Variants in EVA1C observed in about 807,000 individuals in gnomAD.
EVA1C encodes eva-1 homolog C.
Under a neutral mutation model 45.4 loss-of-function variants are expected in EVA1C, and 25 were observed. That is an observed-to-expected ratio of 0.55 (90% CI 0.40 to 0.77). The LOEUF is 0.77. Among genes scored for constraint, EVA1C ranks in the 30% least tolerant of loss-of-function variants. The probability of loss-of-function intolerance (pLI) is 0.00; values close to 1 mark genes in which losing one functional copy is unlikely to be tolerated. For synonymous variants in EVA1C, 190 were observed against 221.2 expected (o/e 0.86, Z 1.25); for missense variants, 479 against 554.8 (o/e 0.86, Z 1.37).
intron 1 of EVA1C, among the ~76,000 whole-genome samples, chr21:32,434,636 TTATATA>T (rs200296987): frequency 5.9e-5 from 8 of 134,574 alleles, no homozygotes; most frequent in African/African-American, 1.9e-4. Context: ...AAATAAAATT[TTATATA>T]TATATAGATA....
At chr21:32,430,615 G>T (rs2034661057) in intron 1 of EVA1C, among the ~76,000 whole-genome samples, 1 of 152,118 alleles carries the variant, frequency 6.6e-6, no homozygotes, top group Non-Finnish European at 1.5e-5. Context: ...TGTAGGAGGA[G>T]CAAAGTCACA....
At chr21:32,454,601 A>ATT (rs35371667) in intron 2 of EVA1C, among the ~76,000 whole-genome samples, 20,900 of 149,134 alleles carry the variant, frequency 0.14, 1,607 homozygotes, top group East Asian at 0.25. Flanking sequence ...TTGGCCTTGG[A>ATT]TTTTTTTTTT....
intron 1 of EVA1C, among the ~76,000 whole-genome samples, chr21:32,440,513 C>A (rs763287006): frequency 1.4e-4 from 21 of 152,136 alleles, no homozygotes; most frequent in Non-Finnish European, 2.5e-4. Context: ...TCTACCAGTC[C>A]TGTTTGAAAT....
chr21:32,417,715 G>A (rs1282740421), intron 1 of EVA1C, among the ~76,000 whole-genome samples: 2 of 152,136 alleles, frequency 1.3e-5, no homozygotes, highest in African/African-American at 2.4e-5. Flanking sequence ...CAGTATTGAT[G>A]GACACAGTTG....
chr21:32,487,407 A>G (rs1221239658), intron 4 of EVA1C, among the ~76,000 whole-genome samples: 1 of 152,136 alleles, frequency 6.6e-6, no homozygotes, highest in Non-Finnish European at 1.5e-5. Context: ...CTTTCAGCTC[A>G]AGGACTCCAT....
chr21:32,430,971 T>C (rs868424595), intron 1 of EVA1C, among the ~76,000 whole-genome samples: 1 of 35,398 alleles, frequency 2.8e-5, no homozygotes, highest in Non-Finnish European at 4.3e-5. Context: ...AGACTTGGTC[T>C]CAAAAAAAAA....
intron 6 of EVA1C, among the ~76,000 whole-genome samples, chr21:32,502,038 TTC>T (rs1568949906): frequency 1.3e-5 from 1 of 78,254 alleles, no homozygotes; most frequent in Non-Finnish European, 2.8e-5. Flanking sequence ...CTTTCTTTCT[TTC>T]TTTCTTTCTT....
chr21:32,441,823 T>C (rs998312539), intron 1 of EVA1C, among the ~76,000 whole-genome samples: 1 of 152,160 alleles, frequency 6.6e-6, no homozygotes, highest in African/African-American at 2.4e-5. Flanking sequence ...TAGAAACCAA[T>C]GTTAACTACA....
chr21:32,449,054 GAGAAA>G (rs563773215), intron 1 of EVA1C, among the ~76,000 whole-genome samples: 2 of 151,866 alleles, frequency 1.3e-5, no homozygotes, highest in East Asian at 3.9e-4. Flanking sequence ...AGGAAAGAAA[GAGAAA>G]AGAAAAGAAA....
At chr21:32,450,710 A>G (rs1183243778) in intron 1 of EVA1C, among the ~76,000 whole-genome samples, 1 of 151,664 alleles carries the variant, frequency 6.6e-6, no homozygotes, top group Non-Finnish European at 1.5e-5. Flanking sequence ...AATTTTCAGT[A>G]CTCATTGTTT....
intron 1 of EVA1C, among the ~76,000 whole-genome samples, chr21:32,441,669 G>A (rs1014559132): frequency 2.6e-5 from 4 of 152,002 alleles, no homozygotes; most frequent in Non-Finnish European, 5.9e-5. Context: ...ATACACAAGT[G>A]GACAACTACA....
At position 32,453,337 on chromosome 21, in the gene EVA1C, C is replaced by T. The variant is rs779013979; in HGVS notation, c.186C>T (p.Asn62=). Residue 62 remains asparagine (N), a synonymous_variant, in exon 2 of 8, where the codon AAC becomes AAT. Transcript: ENST00000300255. Reference sequence around the variant, plus strand: ...GTTACCTAACCAAACTCCTGCAAAACCACACCACCTATGCCTGTGATGGGG... The same window carrying T: ...GTTACCTAACCAAACTCCTGCAAAATCACACCACCTATGCCTGTGATGGGG... ...FSGYLTKLLQ[N]HTTYACDGDY... is the part of the protein sequence containing the mutation. The T allele has an allele frequency of 6.9e-6, 11 of 1,598,208 alleles. 1 individual carries two copies. The highest frequency in any genetic ancestry group is 2.3e-4 in the Middle Eastern group (1 of 4,376).
At chr21:32,439,876 G>A (rs1444288938) in intron 1 of EVA1C, among the ~76,000 whole-genome samples, 2 of 152,072 alleles carry the variant, frequency 1.3e-5, no homozygotes, top group African/African-American at 4.8e-5. Flanking sequence ...TAATTATTAT[G>A]AGCAGTGAAA....
intron 7 of EVA1C, among the ~76,000 whole-genome samples, chr21:32,511,592 CA>C (rs1288329434): frequency 6.6e-6 from 1 of 151,976 alleles, no homozygotes; most frequent in Admixed American, 6.6e-5. Flanking sequence ...AGGTACAGAT[CA>C]GGGGAACACA....
chr21:32,488,006 C>T (rs902358053), intron 4 of EVA1C, among the ~76,000 whole-genome samples: 1 of 152,092 alleles, frequency 6.6e-6, no homozygotes, highest in Non-Finnish European at 1.5e-5. Flanking sequence ...TGGGACTGGG[C>T]CCTTAGCCTG....
At chr21:32,472,550 C>G (rs935060671) in intron 4 of EVA1C, among the ~76,000 whole-genome samples, 1 of 151,992 alleles carries the variant, frequency 6.6e-6, no homozygotes, top group African/African-American at 2.4e-5. Context: ...ATGGGAAGAT[C>G]CCTTGAGGCC....
intron 3 of EVA1C, among the ~76,000 whole-genome samples, chr21:32,463,342 C>T (rs1268493894): frequency 6.6e-6 from 1 of 152,220 alleles, no homozygotes; most frequent in Admixed American, 6.5e-5. Context: ...CACACCTTCT[C>T]TAATCTGAGA....
At chr21:32,441,496 G>C (rs1568885365) in intron 1 of EVA1C, among the ~76,000 whole-genome samples, 1 of 148,876 alleles carries the variant, frequency 6.7e-6, no homozygotes, top group Non-Finnish European at 1.5e-5. Flanking sequence ...CAGGAGAATG[G>C]CAGAAGATGA....
chr21:32,420,198 T>C (rs905735341), intron 1 of EVA1C, among the ~76,000 whole-genome samples: 7 of 140,466 alleles, frequency 5.0e-5, no homozygotes, highest in Non-Finnish European at 9.4e-5. Flanking sequence ...GGGTGAAACC[T>C]GTCTCTACTT....
Sources: gnomAD v4.1 joint callset for allele counts (sites outside exome capture counted in the v4.1 genomes callset) on GRCh38, gnomAD v4.1.1 for gene constraint, MANE v1.5 for transcripts, NCBI Gene and HGNC (gene_info 2026-07-23, HGNC 2026-07-21) for gene names.